The following FAF1 variants were observed in gnomAD, a reference collection of about 807,000 sequenced individuals.
The protein encoded by FAF1 is Fas associated factor 1.
In FAF1, 25 loss-of-function variants were observed where a neutral mutation model predicts 92.5. The observed-to-expected ratio is 0.27, with a 90% CI of 0.20 to 0.38. The LOEUF is 0.38. Among genes scored for constraint, FAF1 ranks in the 10% least tolerant of loss-of-function variants. FAF1 has a pLI of 1.00. For missense variants in FAF1, 636 were observed against 793.3 expected, an observed-to-expected ratio of 0.80 and a Z score of 2.38; for synonymous variants, 234 against 273.2, an observed-to-expected ratio of 0.86 and a Z score of 1.42.
In FAF1 at chr1:50,953,968, A is replaced by G. The variant is rs141783572; in HGVS notation, c.45+5799T>C. ...AGAATACATTTTTTTTTTTTATTTGAGACGGAGTCTCCCTCTGTCGCCCAG... is the reference window on the plus strand; with the variant it reads ...AGAATACATTTTTTTTTTTTATTTGGGACGGAGTCTCCCTCTGTCGCCCAG... On this transcript the variant is annotated intron_variant, in intron 1 of 18. Transcript: ENST00000396153. Among the ~76,000 whole-genome samples, 1,079 of 151,638 alleles carry G rather than the reference A, an allele frequency of 7.1e-3. 12 individuals carry two copies. Among genetic ancestry groups the G allele is most frequent in the African/African-American group, 0.025 (1,041 of 41,358 alleles).
chr1:50,933,535 A>T (rs1168036741), intron 1 of FAF1, among the ~76,000 whole-genome samples: 1 of 152,180 alleles, frequency 6.6e-6, no homozygotes, highest in Non-Finnish European at 1.5e-5. Context: ...TTTTTGTCAA[A>T]GCCATTCGAC....
intron 13 of FAF1, among the ~76,000 whole-genome samples, chr1:50,552,176 A>G (rs961168925): frequency 2.6e-5 from 4 of 151,998 alleles, no homozygotes; most frequent in Non-Finnish European, 4.4e-5. Context: ...GTGCGTTTGT[A>G]GTCCCAGCTA....
At chr1:50,824,484 G>GA (rs34572160) in intron 2 of FAF1, among the ~76,000 whole-genome samples, 7 of 148,448 alleles carry the variant, frequency 4.7e-5, no homozygotes, top group South Asian at 2.1e-4. Context: ...TGATTAATGC[G>GA]AAAAAAAAAG....
At chr1:50,564,264 T>C (rs1347942017) in intron 13 of FAF1, among the ~76,000 whole-genome samples, 3 of 152,046 alleles carry the variant, frequency 2.0e-5, no homozygotes, top group African/African-American at 7.2e-5. Context: ...AACATCCAAA[T>C]GGCTTACAGG....
chr1:50,484,129 A>C (rs1229452390), intron 17 of FAF1, among the ~76,000 whole-genome samples: 1 of 152,196 alleles, frequency 6.6e-6, no homozygotes, highest in Non-Finnish European at 1.5e-5. Flanking sequence ...TCACCAAAGG[A>C]GTAGAATGGA....
intron 4 of FAF1, among the ~76,000 whole-genome samples, chr1:50,771,047 A>G (rs1176276267): frequency 1.3e-5 from 2 of 152,352 alleles, no homozygotes; most frequent in Middle Eastern, 3.4e-3. Flanking sequence ...CTGGTTAGTC[A>G]TATGCAGAAG....
At chr1:50,884,715 GTTTT>G in intron 1 of FAF1, among the ~76,000 whole-genome samples, 2 of 151,678 alleles carry the variant, frequency 1.3e-5, no homozygotes, top group Admixed American at 1.3e-4. Flanking sequence ...CTGAACTGTA[GTTTT>G]TTTTGGTTTG....
At chr1:50,885,622 G>A (rs1239673587) in intron 1 of FAF1, among the ~76,000 whole-genome samples, 1 of 152,042 alleles carries the variant, frequency 6.6e-6, no homozygotes, top group African/African-American at 2.4e-5. Flanking sequence ...TTTGGGTCTT[G>A]TTTTTGTATC....
At chr1:50,750,570 T>C (rs189423581) in intron 4 of FAF1, among the ~76,000 whole-genome samples, 15 of 152,056 alleles carry the variant, frequency 9.9e-5, no homozygotes, top group Admixed American at 2.0e-4. Flanking sequence ...ATTACTTTTG[T>C]CTGGGTTCCT....
intron 1 of FAF1, among the ~76,000 whole-genome samples, chr1:50,931,888 A>AAAT (rs201964842): frequency 0.33 from 42,075 of 128,604 alleles, 7,314 homozygotes; most frequent in Admixed American, 0.43. Flanking sequence ...ATAAATAAAT[A>AAAT]AATAATAATA....
intron 17 of FAF1, among the ~76,000 whole-genome samples, chr1:50,486,809 G>C (rs981442852): frequency 6.6e-6 from 1 of 152,084 alleles, no homozygotes; most frequent in Non-Finnish European, 1.5e-5. Context: ...AATATTGAGT[G>C]AATAAAAGAT....
intron 12 of FAF1, among the ~76,000 whole-genome samples, chr1:50,579,179 A>G (rs1340736546): frequency 6.6e-6 from 1 of 152,160 alleles, no homozygotes; most frequent in Non-Finnish European, 1.5e-5. Context: ...ATCAGTCTGA[A>G]TAAATCCAAA....
At chr1:50,629,161 CTTTTTTTTT>C (rs759732173) in intron 8 of FAF1, among the ~76,000 whole-genome samples, 1 of 110,728 alleles carries the variant, frequency 9.0e-6, no homozygotes, top group Admixed American at 9.5e-5. Context: ...CAGATAGATG[CTTTTTTTTT>C]TTTTTTTTTT....
chr1:50,908,515 T>G (rs552892532), intron 1 of FAF1, among the ~76,000 whole-genome samples: 1 of 152,282 alleles, frequency 6.6e-6, no homozygotes, highest in South Asian at 2.1e-4. Context: ...CTAAGTCTCT[T>G]TGTAGGTTTC....
At chr1:50,620,425 T>C (rs1164653544) in intron 8 of FAF1, among the ~76,000 whole-genome samples, 2 of 152,238 alleles carry the variant, frequency 1.3e-5, no homozygotes, top group African/African-American at 2.4e-5. Flanking sequence ...TTTGGTTCTT[T>C]CTTAAAATGA....
At chr1:50,675,441 C>A (rs1457047784) in intron 7 of FAF1, among the ~76,000 whole-genome samples, 1 of 152,148 alleles carries the variant, frequency 6.6e-6, no homozygotes, top group Admixed American at 6.5e-5. Context: ...ATGTTAGGGA[C>A]GATGGCAAAT....
chr1:50,772,213 T>G (rs1009317016), intron 4 of FAF1, among the ~76,000 whole-genome samples: 2 of 152,094 alleles, frequency 1.3e-5, no homozygotes, highest in African/African-American at 4.8e-5. Flanking sequence ...GCTGGCAAGG[T>G]TGCTAAGAAA....
intron 13 of FAF1, among the ~76,000 whole-genome samples, chr1:50,547,718 C>A (rs951728245): frequency 1.3e-5 from 2 of 152,176 alleles, no homozygotes; most frequent in South Asian, 4.2e-4. Context: ...CCGGCAAAAG[C>A]AATGTAATTT....
At chr1:50,855,167 G>C (rs952266648) in intron 2 of FAF1, among the ~76,000 whole-genome samples, 2 of 151,812 alleles carry the variant, frequency 1.3e-5, no homozygotes, top group African/African-American at 4.8e-5. Flanking sequence ...TACTTGACCT[G>C]TGTAATACAC....
Sources: allele counts gnomAD v4.1 joint callset (sites outside exome capture counted in the v4.1 genomes callset), GRCh38; gene constraint gnomAD v4.1.1; transcripts MANE v1.5; gene names NCBI Gene and HGNC (gene_info 2026-07-23, HGNC 2026-07-21).